Variants in NCK2 observed in about 807,000 individuals in gnomAD.
The protein encoded by NCK2 is NCK adaptor protein 2, also known as cytoplasmic protein NCK2.
A neutral mutation model predicts 33.9 loss-of-function variants in NCK2; 16 were observed. That is an observed-to-expected ratio of 0.47 (90% CI 0.32 to 0.72). NCK2 has a LOEUF of 0.72. NCK2 is among the 30% of genes least tolerant of loss of function. The probability of loss-of-function intolerance (pLI) is 0.03; values close to 1 mark genes in which losing one functional copy is unlikely to be tolerated. For synonymous variants in NCK2, 273 were observed against 239.9 expected (o/e 1.14, Z -1.27); for missense variants, 418 against 537.3 (o/e 0.78, Z 2.19).
chr2:105,819,986 A>G (rs1179928314), intron 2 of NCK2, among the ~76,000 whole-genome samples: 1 of 152,130 alleles, frequency 6.6e-6, no homozygotes, highest in Non-Finnish European at 1.5e-5. Context: ...GGACCCTGAC[A>G]GTTTGGGACT....
At chr2:105,827,008 A>ATTT (rs980435294) in intron 2 of NCK2, among the ~76,000 whole-genome samples, 2 of 150,532 alleles carry the variant, frequency 1.3e-5, no homozygotes, top group Non-Finnish European at 3.0e-5. Flanking sequence ...TTTATTTTTT[A>ATTT]TTTTTTTTTG....
intron 4 of NCK2, among the ~76,000 whole-genome samples, chr2:105,891,224 G>A (rs952431184): frequency 3.3e-5 from 5 of 152,156 alleles, no homozygotes; most frequent in South Asian, 2.1e-4. Context: ...TTAGAGCTGC[G>A]GTATCTCATG....
intron 3 of NCK2, among the ~76,000 whole-genome samples, chr2:105,878,973 G>T (rs1049208782): frequency 6.6e-6 from 1 of 152,154 alleles, no homozygotes; most frequent in Non-Finnish European, 1.5e-5. Context: ...GTATTAATTA[G>T]ATTACTGTAT....
At chr2:105,827,601 C>G (rs1010965381) in intron 2 of NCK2, among the ~76,000 whole-genome samples, 1 of 152,244 alleles carries the variant, frequency 6.6e-6, no homozygotes, top group Non-Finnish European at 1.5e-5. Flanking sequence ...AGGGCATGTC[C>G]TGGGCCAAAA....
chr2:105,864,232 G>A (rs986134409), intron 3 of NCK2, among the ~76,000 whole-genome samples: 6 of 152,108 alleles, frequency 3.9e-5, no homozygotes, highest in African/African-American at 7.2e-5. Flanking sequence ...TTCAGGACAC[G>A]ACTGGAAGGG....
intron 2 of NCK2, among the ~76,000 whole-genome samples, chr2:105,835,406 CGTGTAT>C (rs1676377530): frequency 4.1e-5 from 1 of 24,244 alleles, no homozygotes; most frequent in Non-Finnish European, 8.8e-5. Flanking sequence ...TATATATATA[CGTGTAT>C]ATATATATAT....
intron 4 of NCK2, among the ~76,000 whole-genome samples, chr2:105,886,216 A>G (rs976345225): frequency 1.3e-5 from 2 of 152,336 alleles, no homozygotes; most frequent in East Asian, 1.9e-4. Context: ...GATTTTTGTA[A>G]TAGTTCTAAT....
chr2:105,835,402 TATAC>T (rs1469190445), intron 2 of NCK2, among the ~76,000 whole-genome samples: 2 of 73,116 alleles, frequency 2.7e-5, no homozygotes, highest in African/African-American at 7.6e-5. Context: ...TATATATATA[TATAC>T]GTGTATATAT....
intron 1 of NCK2, among the ~76,000 whole-genome samples, chr2:105,764,572 C>A (rs919512885): frequency 6.6e-6 from 1 of 152,296 alleles, no homozygotes; most frequent in South Asian, 2.1e-4. Context: ...TTCAGCAGTA[C>A]CAGGTAAAAA....
chr2:105,809,119 A>G (rs1442185888), intron 1 of NCK2, among the ~76,000 whole-genome samples: 2 of 152,182 alleles, frequency 1.3e-5, no homozygotes, highest in African/African-American at 4.8e-5. Flanking sequence ...TTGAAAATGG[A>G]AGAATCAGTT....
intron 2 of NCK2, among the ~76,000 whole-genome samples, chr2:105,834,806 G>GAGGCTGTGCTA (rs1443178860): frequency 2.6e-5 from 4 of 151,966 alleles, no homozygotes; most frequent in African/African-American, 9.7e-5. Flanking sequence ...GGGTAGCTGG[G>GAGGCTGTGCTA]CCTACAGGTA....
intron 1 of NCK2, among the ~76,000 whole-genome samples, chr2:105,748,601 A>G (rs1257655578): frequency 1.3e-5 from 2 of 151,798 alleles, no homozygotes; most frequent in Admixed American, 6.6e-5. Flanking sequence ...TTTATTTTGT[A>G]GAGACAGGGT....
intron 2 of NCK2, among the ~76,000 whole-genome samples, chr2:105,822,579 G>A (rs938051365): frequency 6.6e-6 from 1 of 151,972 alleles, no homozygotes; most frequent in Non-Finnish European, 1.5e-5. Context: ...TAGTTGTGGT[G>A]GTGATCAAGG....
chr2:105,869,783 T>A (rs1177376282), intron 3 of NCK2, among the ~76,000 whole-genome samples: 2 of 152,194 alleles, frequency 1.3e-5, no homozygotes, highest in Non-Finnish European at 2.9e-5. Context: ...GGTATATGTG[T>A]TGAGAGGTAC....
chr2:105,890,526 T>G (rs1175772828), intron 4 of NCK2, among the ~76,000 whole-genome samples: 1 of 152,256 alleles, frequency 6.6e-6, no homozygotes, highest in South Asian at 2.1e-4. Context: ...AGATTAACCT[T>G]CTGGTTTCTT....
chr2:105,783,232 A>G (rs1690559986), intron 1 of NCK2, among the ~76,000 whole-genome samples: 1 of 152,196 alleles, frequency 6.6e-6, no homozygotes, highest in African/African-American at 2.4e-5. Flanking sequence ...TTGAAGATGG[A>G]AAGTAATGGC....
chr2:105,830,691 G>GTGTGTGTGTGTGTGTGTGTGTA (rs1558859302), intron 2 of NCK2, among the ~76,000 whole-genome samples: 70 of 147,196 alleles, frequency 4.8e-4, no homozygotes, highest in Middle Eastern at 6.9e-3. Flanking sequence ...GTGTGTGTGT[G>GTGTGTGTGTGTGTGTGTGTGTA]TGTGTGTGTG....
chr2:105,887,502 AAAGGG>A (rs1678765744), intron 4 of NCK2, among the ~76,000 whole-genome samples: 1 of 152,216 alleles, frequency 6.6e-6, no homozygotes, highest in East Asian at 1.9e-4. Context: ...TGAATCACAC[AAAGGG>A]CATTTCTACC....
At chr2:105,867,090 G>T (rs190507715) in intron 3 of NCK2, among the ~76,000 whole-genome samples, 1 of 152,232 alleles carries the variant, frequency 6.6e-6, no homozygotes, top group East Asian at 1.9e-4. Flanking sequence ...TCAGTACAAA[G>T]CCAAACTGTT....
Sources: allele counts gnomAD v4.1 joint callset (sites outside exome capture counted in the v4.1 genomes callset), GRCh38; gene constraint gnomAD v4.1.1; transcripts MANE v1.5; gene names NCBI Gene and HGNC (gene_info 2026-07-23, HGNC 2026-07-21).